The following ASTN2 variants were observed in gnomAD, a reference collection of about 807,000 sequenced individuals.
The protein encoded by ASTN2 is astrotactin 2.
A neutral mutation model predicts 139.8 loss-of-function variants in ASTN2; 54 were observed. The observed-to-expected ratio is 0.39, with a 90% confidence interval of 0.31 to 0.48. The LOEUF (loss-of-function observed/expected upper bound fraction) is 0.48. Among genes scored for constraint, ASTN2 ranks in the 20% least tolerant of loss-of-function variants. The pLI, the probability that ASTN2 is intolerant of heterozygous loss-of-function variation, is 0.95. For synonymous variants in ASTN2, 756 were observed against 719.5 expected (o/e 1.05, Z -0.81); for missense variants, 1,565 against 1,725.1 (o/e 0.91, Z 1.64).
At chr9:117,192,409 ATTCTG>A (rs1564469852) in intron 3 of ASTN2, among the ~76,000 whole-genome samples, 1 of 150,810 alleles carries the variant, frequency 6.6e-6, no homozygotes, top group Non-Finnish European at 1.5e-5. Context: ...AGAAAACTCA[ATTCTG>A]AATACTTTCC....
At chr9:116,861,093 C>T (rs1236811790) in intron 11 of ASTN2, among the ~76,000 whole-genome samples, 1 of 152,076 alleles carries the variant, frequency 6.6e-6, no homozygotes, top group Non-Finnish European at 1.5e-5. Flanking sequence ...GGGTCTTTGA[C>T]AACTTCATCA....
intron 20 of ASTN2, among the ~76,000 whole-genome samples, chr9:116,445,758 T>G (rs1847968660): frequency 6.6e-6 from 1 of 152,188 alleles, no homozygotes; most frequent in Non-Finnish European, 1.5e-5. Flanking sequence ...ATCTCACAAG[T>G]TGGTGGTCAA....
intron 13 of ASTN2, among the ~76,000 whole-genome samples, chr9:116,744,641 T>G (rs1012600885): frequency 6.6e-6 from 1 of 152,220 alleles, no homozygotes; most frequent in Non-Finnish European, 1.5e-5. Context: ...AGAAGAGTCA[T>G]GGGATATATT....
At chr9:117,156,000 G>T (rs1213661529) in intron 3 of ASTN2, among the ~76,000 whole-genome samples, 1 of 151,954 alleles carries the variant, frequency 6.6e-6, no homozygotes, top group Non-Finnish European at 1.5e-5. Context: ...ACAGAGCAGA[G>T]TAGGTCCAGA....
intron 19 of ASTN2, among the ~76,000 whole-genome samples, chr9:116,503,268 G>A (rs1304910467): frequency 6.6e-6 from 1 of 152,112 alleles, no homozygotes; most frequent in African/African-American, 2.4e-5. Context: ...GACCAGGGAA[G>A]CTTTACTTCT....
At chr9:116,489,447 C>T (rs1849444015) in intron 19 of ASTN2, among the ~76,000 whole-genome samples, 1 of 152,106 alleles carries the variant, frequency 6.6e-6, no homozygotes, top group Admixed American at 6.6e-5. Context: ...AGAGGTCCTC[C>T]CACCTCAGCT....
intron 20 of ASTN2, among the ~76,000 whole-genome samples, chr9:116,462,739 C>G (rs1186969008): frequency 6.6e-6 from 1 of 151,440 alleles, no homozygotes; most frequent in East Asian, 2.0e-4. Context: ...CCTCAACAGG[C>G]CTTCTTATCC....
At chr9:117,104,731 T>C (rs1829062475) in intron 4 of ASTN2, among the ~76,000 whole-genome samples, 1 of 152,196 alleles carries the variant, frequency 6.6e-6, no homozygotes, top group South Asian at 2.1e-4. Flanking sequence ...TTGTTGCTCC[T>C]ACGCATTTAA....
At chr9:117,065,684 T>C (rs770681226) in intron 5 of ASTN2, among the ~76,000 whole-genome samples, 8 of 152,182 alleles carry the variant, frequency 5.3e-5, no homozygotes, top group Non-Finnish European at 7.4e-5. Context: ...TATAAACAAG[T>C]GACCTAATCC....
intron 10 of ASTN2, among the ~76,000 whole-genome samples, chr9:116,938,281 T>A (rs769275080): frequency 2.0e-4 from 31 of 152,090 alleles, no homozygotes; most frequent in Non-Finnish European, 2.9e-4. Flanking sequence ...GCTAATACAA[T>A]CCTTGGTTGA....
chr9:117,084,183 G>A (rs1241443587), intron 5 of ASTN2, among the ~76,000 whole-genome samples: 1 of 152,152 alleles, frequency 6.6e-6, no homozygotes, highest in Admixed American at 6.5e-5. Context: ...AGGGCCAAAT[G>A]CAGATGTAGA....
At position 116,633,262 on chromosome 9, in the gene ASTN2, G is replaced by A. The variant is rs1012352590; in HGVS notation, c.3073-12819C>T. Among the ~76,000 whole-genome samples the A allele has an allele frequency of 2.0e-5, 3 of 152,140 alleles. No homozygotes were observed. In the East Asian group the frequency reaches 5.8e-4, roughly 29 times the overall value. The stretch of plus-strand genomic sequence containing the variant: ...TCTAATCATGAGTCATCTTCCCAAG[G>A]CATCTTGCTCTGTGACCTTGAATTG... On this transcript the variant is annotated intron_variant, in intron 17 of 22. Transcript: ENST00000313400.
intron 1 of ASTN2, among the ~76,000 whole-genome samples, chr9:117,345,087 C>T (rs1829174536): frequency 6.6e-6 from 1 of 152,104 alleles, no homozygotes; most frequent in Admixed American, 6.6e-5. Flanking sequence ...AAGAGCCCAA[C>T]TTGGAGCTGT....
At chr9:116,556,921 G>T (rs1852649371) in intron 19 of ASTN2, among the ~76,000 whole-genome samples, 1 of 151,984 alleles carries the variant, frequency 6.6e-6, no homozygotes, top group Non-Finnish European at 1.5e-5. Context: ...TAGATGGAGA[G>T]GTATGTTAAT....
At chr9:116,662,697 GT>G (rs1395091341) in intron 16 of ASTN2, among the ~76,000 whole-genome samples, 3 of 152,096 alleles carry the variant, frequency 2.0e-5, no homozygotes, top group Non-Finnish European at 4.4e-5. Flanking sequence ...TTTTAATGCA[GT>G]TTTGCTTTTA....
intron 19 of ASTN2, among the ~76,000 whole-genome samples, chr9:116,548,255 A>C (rs1395940278): frequency 1.3e-5 from 2 of 152,114 alleles, no homozygotes; most frequent in Admixed American, 1.3e-4. Flanking sequence ...CATTTGCTTA[A>C]GGTGATTCAA....
chr9:116,950,988 A>C (rs1347709453), intron 10 of ASTN2, among the ~76,000 whole-genome samples: 3 of 152,182 alleles, frequency 2.0e-5, no homozygotes, highest in African/African-American at 4.8e-5. Flanking sequence ...CCTATGGAAG[A>C]CACAGAAACA....
chr9:116,883,543 G>A (rs1001641228), intron 10 of ASTN2, among the ~76,000 whole-genome samples: 1 of 152,148 alleles, frequency 6.6e-6, no homozygotes, highest in African/African-American at 2.4e-5. Context: ...TTGAGTTAAG[G>A]TGTCTTGTTT....
rs139529108 is a variant in ASTN2 at position 116,973,305 on chromosome 9, C to CTAT, written c.1889+1900_1889+1902dup. Among the ~76,000 whole-genome samples, 561 of 151,138 alleles carry CTAT rather than the reference C, an allele frequency of 3.7e-3. 3 individuals carry two copies. The highest frequency in any genetic ancestry group is 8.6e-3 in the African/African-American group (356 of 41,302). On this transcript the variant is annotated intron_variant, in intron 10 of 22. Coordinates refer to ENST00000313400, the MANE Select transcript of ASTN2 (RefSeq NM_001365068.1). ...CTTAGAAAATGATCGATGATATGAA[C>CTAT]TATTATTATTATTATTATTATTACC...
Sources: gnomAD v4.1 joint callset for allele counts (sites outside exome capture counted in the v4.1 genomes callset) on GRCh38, gnomAD v4.1.1 for gene constraint, MANE v1.5 for transcripts, NCBI Gene and HGNC (gene_info 2026-07-23, HGNC 2026-07-21) for gene names.